GRID1: variants seen among roughly 807,000 people sequenced by gnomAD.
GRID1 encodes the protein glutamate ionotropic receptor delta type subunit 1.
In GRID1, 28 loss-of-function variants were observed where a neutral mutation model predicts 98.0. The ratio of observed to expected loss-of-function variants is 0.29; its 90% CI spans 0.21 to 0.39. GRID1 has a LOEUF of 0.39. Ranked by LOEUF, GRID1 falls within the 10% of genes least tolerant of loss-of-function variation. The pLI, the probability that GRID1 is intolerant of heterozygous loss-of-function variation, is 1.00. For missense variants in GRID1, 1,111 were observed against 1,340.5 expected (o/e 0.83, Z 2.67); for synonymous variants, 553 against 538.5 (o/e 1.03, Z -0.37).
At chr10:85,898,415 A>T (rs2131813931) in intron 5 of GRID1, among the ~76,000 whole-genome samples, 1 of 152,238 alleles carries the variant, frequency 6.6e-6, no homozygotes, top group Non-Finnish European at 1.5e-5. Flanking sequence ...TATTTTTAAA[A>T]TTTTTCTTCA....
chr10:85,807,735 G>A (rs1842635576), intron 8 of GRID1, among the ~76,000 whole-genome samples: 1 of 152,104 alleles, frequency 6.6e-6, no homozygotes, highest in Non-Finnish European at 1.5e-5. Context: ...AGTAAGGGGT[G>A]AAGAAGATGA....
At chr10:85,618,555 T>C (rs748544141) in intron 14 of GRID1, among the ~76,000 whole-genome samples, 1 of 152,166 alleles carries the variant, frequency 6.6e-6, no homozygotes, top group Non-Finnish European at 1.5e-5. Context: ...AAAGAATGTA[T>C]ACTTGATTAA....
chr10:86,211,744 C>T (rs1461992899), intron 2 of GRID1, among the ~76,000 whole-genome samples: 1 of 152,186 alleles, frequency 6.6e-6, no homozygotes, highest in South Asian at 2.1e-4. Context: ...GTGCTAGTTG[C>T]TTGGCCAGGG....
Position 86,336,151 on chromosome 10 carries a change from C to T in GRID1, c.235+27790G>A, listed in dbSNP as rs183932566. Among the ~76,000 whole-genome samples, 211 of 152,348 alleles carry T rather than the reference C, an allele frequency of 1.4e-3. 1 individual carries two copies. The highest frequency in any genetic ancestry group is 2.0e-3 in the Non-Finnish European group (134 of 68,036). ...ATCACAGACAACTCCAGGTTGCTCT[C>T]CTAGGAGTCTGATCACTGGACTTAC... is the stretch of plus-strand genomic sequence containing the variant. On this transcript the variant is annotated intron_variant, in intron 2 of 15. Transcript: ENST00000327946.
intron 12 of GRID1, among the ~76,000 whole-genome samples, chr10:85,706,601 GA>G (rs1223323333): frequency 1.3e-5 from 2 of 151,922 alleles, no homozygotes; most frequent in Admixed American, 6.6e-5. Flanking sequence ...CACAGAATTG[GA>G]AAAAACTACT....
intron 13 of GRID1, among the ~76,000 whole-genome samples, chr10:85,634,249 C>CCTCTCTCTCTCGCTCTCT (rs1843008286): frequency 1.1e-5 from 1 of 92,314 alleles, no homozygotes; most frequent in African/African-American, 4.3e-5. Context: ...TGATGGGGCA[C>CCTCTCTCTCTCGCTCTCT]CTCTCTCTCT....
intron 4 of GRID1, among the ~76,000 whole-genome samples, chr10:86,027,352 G>T (rs1843128969): frequency 6.6e-6 from 1 of 152,190 alleles, no homozygotes; most frequent in African/African-American, 2.4e-5. Context: ...TGGGATAGTA[G>T]TCCTTTTTTG....
At chr10:86,296,778 CAT>C (rs1847597703) in intron 2 of GRID1, among the ~76,000 whole-genome samples, 2 of 117,526 alleles carry the variant, frequency 1.7e-5, no homozygotes, top group East Asian at 2.3e-4. Context: ...TACATGCATA[CAT>C]ACACACATAC....
chr10:86,059,533 A>G lies in GRID1; in HGVS notation c.726+79286T>C, dbSNP rs551873365. Among the ~76,000 whole-genome samples, 4 of 152,366 alleles carry G rather than the reference A, an allele frequency of 2.6e-5. No homozygotes were observed. In the South Asian group the frequency reaches 8.3e-4, roughly 32 times the overall value. ...ATTTTTTTTCCAAAATCATCCTTCA[A>G]TAAGAAGAGTGAGTGAACTTATATT... On this transcript the variant is annotated intron_variant, in intron 4 of 15. Transcript: ENST00000327946.
At chr10:85,610,600 T>C (rs1271189889) in intron 15 of GRID1, among the ~76,000 whole-genome samples, 1 of 152,234 alleles carries the variant, frequency 6.6e-6, no homozygotes, top group Non-Finnish European at 1.5e-5. Context: ...CACCATGCCC[T>C]GGCTGGGCTG....
chr10:85,655,264 T>C (rs1353104220), intron 12 of GRID1, among the ~76,000 whole-genome samples: 1 of 152,152 alleles, frequency 6.6e-6, no homozygotes, highest in East Asian at 1.9e-4. Flanking sequence ...TCAGCTGTCA[T>C]GTCGTATTGA....
intron 8 of GRID1, among the ~76,000 whole-genome samples, chr10:85,750,160 C>T (rs140779474): frequency 1.4e-3 from 218 of 152,300 alleles, no homozygotes; most frequent in African/African-American, 5.0e-3. Context: ...CCTATTTTTA[C>T]AGTTAGCTGA....
chr10:86,028,873 A>G (rs1474619552), intron 4 of GRID1, among the ~76,000 whole-genome samples: 1 of 152,230 alleles, frequency 6.6e-6, no homozygotes, highest in Non-Finnish European at 1.5e-5. Flanking sequence ...TGTAAAATCT[A>G]AAGGTAAGAA....
At chr10:86,262,591 AT>A (rs1264128312) in intron 2 of GRID1, among the ~76,000 whole-genome samples, 1 of 152,132 alleles carries the variant, frequency 6.6e-6, no homozygotes. Context: ...GCGTTCTCTT[AT>A]TACGTGCTCT....
chr10:85,647,632 C>T, intron 12 of GRID1: 1 of 488,936 alleles, frequency 2.0e-6, no homozygotes, highest in East Asian at 3.3e-5. Context: ...GATGACTGGG[C>T]ACCTAAAACC....
intron 8 of GRID1, among the ~76,000 whole-genome samples, chr10:85,837,200 C>T (rs1296345123): frequency 6.6e-6 from 1 of 152,034 alleles, no homozygotes; most frequent in East Asian, 1.9e-4. Flanking sequence ...AACAAAGGAT[C>T]CTCCCACAAC....
chr10:86,152,208 T>C (rs1359729101), intron 3 of GRID1, among the ~76,000 whole-genome samples: 2 of 152,094 alleles, frequency 1.3e-5, no homozygotes, highest in East Asian at 3.8e-4. Context: ...ACCAAGAGGA[T>C]GTCAGGATCA....
chr10:85,656,645 A>G (rs1840898295), intron 12 of GRID1, among the ~76,000 whole-genome samples: 1 of 152,308 alleles, frequency 6.6e-6, no homozygotes, highest in South Asian at 2.1e-4. Flanking sequence ...ACACTGCTCT[A>G]TTCTTTGAGA....
chr10:85,847,255 T>C (rs934425654), intron 8 of GRID1, among the ~76,000 whole-genome samples: 1 of 152,232 alleles, frequency 6.6e-6, no homozygotes, highest in Non-Finnish European at 1.5e-5. Flanking sequence ...ATAGTCATTC[T>C]GAAATTATGA....
Sources: allele counts gnomAD v4.1 joint callset (sites outside exome capture counted in the v4.1 genomes callset), GRCh38; gene constraint gnomAD v4.1.1; transcripts MANE v1.5; gene names NCBI Gene and HGNC (gene_info 2026-07-23, HGNC 2026-07-21).